MYL3: variants seen among roughly 807,000 people sequenced by gnomAD.
MYL3 encodes the protein CMLC1.
MYL3 carries 11 observed loss-of-function variants against 21.3 expected under a neutral mutation model. The observed-to-expected ratio is 0.52, with a 90% CI of 0.32 to 0.85. The LOEUF (loss-of-function observed/expected upper bound fraction) is 0.85. Ranked by LOEUF, MYL3 falls within the 40% of genes least tolerant of loss-of-function variation. The pLI is 0.03. For synonymous variants in MYL3, 88 were observed against 91.6 expected (o/e 0.96, Z 0.22); for missense variants, 206 against 253.3 (o/e 0.81, Z 1.27).
At chr3:46,871,955 G>T (rs2029947592) in intron 1 of MYL3, among the ~76,000 whole-genome samples, 1 of 152,214 alleles carries the variant, frequency 6.6e-6, no homozygotes, top group Admixed American at 6.5e-5. Context: ...ATTGGGGTTG[G>T]GTTGGCTGGG....
At chr3:46,872,481 G>A (rs372745808) in intron 1 of MYL3, among the ~76,000 whole-genome samples, 4 of 151,718 alleles carry the variant, frequency 2.6e-5, no homozygotes, top group East Asian at 1.9e-4. Flanking sequence ...CATGCTCGTG[G>A]CCCCTGCCCC....
chr3:46,859,425 C>T lies in MYL3; in HGVS notation c.481+50G>A. 6.2e-7 allele frequency: 1 copy of T among 1,610,706 alleles called. No individual in the cohort carries two copies. Among genetic ancestry groups the T allele is most frequent in the Non-Finnish European group, 8.5e-7 (1 of 1,177,774 alleles). On this transcript the variant is annotated intron_variant, in intron 4 of 6. Coordinates refer to ENST00000292327, the MANE Select transcript of MYL3 (RefSeq NM_000258.3). The surrounding 1 kb of genome is among the most constrained non-coding windows in gnomAD (Gnocchi z 4.1). ...CCTGGGGGGCAACAGAGTGGTTTCT[C>T]CCAGGATGTCCCTGGAAGGAGTTGG...
Position 46,860,569 on chromosome 3 carries a change from C to T in MYL3, c.307+107G>A, listed in dbSNP as rs1201938863. ...CCTCGGTGCCCTCATCGGGACAATG[C>T]GAGATGTCAGGAAAGATTCTCGTGC... On this transcript the variant is annotated intron_variant, in intron 3 of 6. Coordinates refer to ENST00000292327, the MANE Select transcript of MYL3 (RefSeq NM_000258.3). This position sits in a 1 kb window ranked among gnomAD's most constrained non-coding sequence, Gnocchi z 4.6. The T allele has an allele frequency of 1.3e-5, 19 of 1,497,218 alleles. No individual in the cohort carries two copies. The African/African-American group carries it at 2.1e-4, about 16-fold the overall frequency. The allele number at this position is 1,497,218 out of a possible 1,614,324, so 92.7% of individuals were successfully genotyped here.
chr3:46,871,432 C>T (rs1325255064), intron 1 of MYL3, among the ~76,000 whole-genome samples: 2 of 152,110 alleles, frequency 1.3e-5, no homozygotes, highest in Non-Finnish European at 2.9e-5. Context: ...TTGTTCTTGG[C>T]ACATCCGGGC....
upstream of MYL3, among the ~76,000 whole-genome samples, chr3:46,866,933 C>G (rs1702052405): frequency 6.6e-6 from 1 of 152,178 alleles, no homozygotes; most frequent in Admixed American, 6.5e-5. Flanking sequence ...GCAGGGGGCG[C>G]AGAAGGGATG....
chr3:46,875,795 G>A (rs928347240), intron 1 of MYL3, among the ~76,000 whole-genome samples: 1 of 152,242 alleles, frequency 6.6e-6, no homozygotes, highest in Admixed American at 6.5e-5. Context: ...GCATCCAGGC[G>A]TTCTGAACCT....
intron 1 of MYL3, among the ~76,000 whole-genome samples, chr3:46,875,770 C>T (rs951213523): frequency 3.9e-5 from 6 of 152,354 alleles, no homozygotes; most frequent in South Asian, 2.1e-4. Flanking sequence ...GGTCTGGGGG[C>T]GGCATCCAGC....
At position 46,858,224 on chromosome 3, in the gene MYL3, T is replaced by G; in HGVS notation, c.*13+7A>C. 1 of 1,613,902 alleles carries G rather than the reference T, an allele frequency of 6.2e-7. No homozygotes were observed. The highest frequency in any genetic ancestry group is 8.5e-7 in the Non-Finnish European group (1 of 1,179,970). On this transcript the variant is annotated splice_region_variant and intron_variant, in intron 6 of 6. Coordinates refer to ENST00000292327, the MANE Select transcript of MYL3 (RefSeq NM_000258.3). Reference sequence around the variant, plus strand: ...AGCAGCGGGTTCAGGAGGGAGTGGGTGCCTACCTGGGCACGAGGTTTAGCT... The same window carrying G: ...AGCAGCGGGTTCAGGAGGGAGTGGGGGCCTACCTGGGCACGAGGTTTAGCT...
chr3:46,863,709 A>C (rs1702016714), upstream of MYL3, among the ~76,000 whole-genome samples: 1 of 152,150 alleles, frequency 6.6e-6, no homozygotes, highest in East Asian at 1.9e-4. Context: ...ACATACACAC[A>C]CACTCATCTG....
intron 1 of MYL3, among the ~76,000 whole-genome samples, chr3:46,875,777 C>T (rs547332625): frequency 6.6e-6 from 1 of 152,356 alleles, no homozygotes; most frequent in African/African-American, 2.4e-5. Flanking sequence ...GGGCGGCATC[C>T]AGCCTTGGCA....
chr3:46,865,505 A>G (rs2106917399), upstream of MYL3, among the ~76,000 whole-genome samples: 1 of 152,296 alleles, frequency 6.6e-6, no homozygotes, highest in South Asian at 2.1e-4. The surrounding 1 kb of genome is among the most constrained non-coding windows in gnomAD (Gnocchi z 4.3). Context: ...AGACACCGCC[A>G]ACAAGACCAA....
upstream of MYL3, among the ~76,000 whole-genome samples, chr3:46,866,881 T>C (rs1238641352): frequency 6.6e-6 from 1 of 152,022 alleles, no homozygotes; most frequent in Admixed American, 6.6e-5. Context: ...GAGGTGAGGG[T>C]GACCCCTGTG....
intron 1 of MYL3, among the ~76,000 whole-genome samples, chr3:46,880,613 A>G (rs2030490162): frequency 1.3e-5 from 2 of 152,096 alleles, no homozygotes; most frequent in South Asian, 4.1e-4. Flanking sequence ...GGTGGTACAC[A>G]CCTGTAGTCC....
At position 46,861,311 on chromosome 3, in the gene MYL3, T is replaced by C. The variant is rs1701989692; in HGVS notation, c.130-324A>G. ...CGTGGGCCTTACCTGATGCTCCCGG[T>C]TCTGGACAGATGTACCTTAAGCCAC... On this transcript the variant is annotated intron_variant, in intron 1 of 6. Transcript: ENST00000292327. The surrounding 1 kb of genome is among the most constrained non-coding windows in gnomAD (Gnocchi z 4.2). Among the ~76,000 whole-genome samples, 1 of 152,222 alleles carries C rather than the reference T, an allele frequency of 6.6e-6. No homozygotes were observed. The highest frequency in any genetic ancestry group is 1.5e-5 in the Non-Finnish European group (1 of 68,036).
In MYL3 at chr3:46,874,295, C is replaced by T. The variant is rs1210528131; in HGVS notation, c.-217-7695G>A. Among the ~76,000 whole-genome samples the T allele has an allele frequency of 6.6e-6, 1 of 152,186 alleles. No individual in the cohort carries two copies. ...TAGAGACATTCCCAGTGTCCGCCAG[C>T]TCATTGCCTTGCCCCAGCCAGTGTC... On this transcript the variant is annotated intron_variant, in intron 1 of 3. Coordinates refer to the MYL3 transcript ENST00000431168. This position sits in a 1 kb window ranked among gnomAD's most constrained non-coding sequence, Gnocchi z 4.1.
In MYL3 at chr3:46,882,110, G is replaced by GCGC. The variant is rs913537467; in HGVS notation, c.-257_-255dup. The GCGC allele has an allele frequency of 2.6e-5, 4 of 151,662 alleles. No homozygotes were observed. Among genetic ancestry groups the GCGC allele is most frequent in the African/African-American group, 9.7e-5 (4 of 41,280 alleles). The allele number at this position is 151,662 out of a possible 1,614,324, so 9.4% of individuals were successfully genotyped here. On this transcript the variant is annotated 5_prime_UTR_variant, in exon 1 of 4. Transcript: ENST00000431168. This position sits in a 1 kb window ranked among gnomAD's most constrained non-coding sequence, Gnocchi z 4.3. ...GTAAGACTCCGGGCCTCGGCCTCTA[G>GCGC]CGCAATGTCCCGGGGCGGGGGGCGG...
At chr3:46,865,151 C>T (rs748315676), upstream of MYL3, among the ~76,000 whole-genome samples, 3 of 152,164 alleles carry the variant, frequency 2.0e-5, no homozygotes, top group Admixed American at 1.3e-4. This position sits in a 1 kb window ranked among gnomAD's most constrained non-coding sequence, Gnocchi z 4.3. Context: ...CCTGTCACTC[C>T]GCCTCACAGG....
Position 46,861,038 on chromosome 3 carries a change from C to G in MYL3, c.130-51G>C. 1 of 1,608,566 alleles carries G rather than the reference C, an allele frequency of 6.2e-7. No homozygotes were observed. The highest frequency in any genetic ancestry group is 8.5e-7 in the Non-Finnish European group (1 of 1,175,242). Reference sequence around the variant, plus strand: ...ATGCCCGGCTTAAAAGGTGGGGCCACACCTCCTCCTGGGCACTCGGTGGCC... The same window carrying G: ...ATGCCCGGCTTAAAAGGTGGGGCCAGACCTCCTCCTGGGCACTCGGTGGCC... On this transcript the variant is annotated intron_variant, in intron 1 of 6. Transcript: ENST00000292327. This position sits in a 1 kb window ranked among gnomAD's most constrained non-coding sequence, Gnocchi z 4.2.
At position 46,860,989 on chromosome 3, in the gene MYL3, TGAAAAGAGACCCCAA is replaced by T; in HGVS notation, c.130-17_130-3del. The T allele has an allele frequency of 6.2e-7, 1 of 1,613,922 alleles. No homozygotes were observed. The highest frequency in any genetic ancestry group is 8.5e-7 in the Non-Finnish European group (1 of 1,179,992). ...AATCTGCTCAGGTGTGAACTCAATC[TGAAAAGAGACCCCAA>T]AGACTCAGATGCCCGGCTTAAAAGG... is the stretch of plus-strand genomic sequence containing the variant. On this transcript the variant is annotated splice_region_variant and splice_polypyrimidine_tract_variant and intron_variant, in intron 1 of 6. Coordinates refer to ENST00000292327, the MANE Select transcript of MYL3 (RefSeq NM_000258.3). This position sits in a 1 kb window ranked among gnomAD's most constrained non-coding sequence, Gnocchi z 4.6.
Sources: gnomAD v4.1 joint callset for allele counts (sites outside exome capture counted in the v4.1 genomes callset) on GRCh38, gnomAD v4.1.1 for gene constraint, Gnocchi (gnomAD v3.1) non-coding constraint, MANE v1.5 for transcripts, NCBI Gene and HGNC (gene_info 2026-07-23, HGNC 2026-07-21) for gene names.